Variants in PPP4R3B observed in about 807,000 individuals in gnomAD.
PPP4R3B encodes protein phosphatase 4 regulatory subunit 3B, also known as serine/threonine-protein phosphatase 4 regulatory subunit 3B.
In PPP4R3B, 52 loss-of-function variants were observed where a neutral mutation model predicts 95.4. The ratio of observed to expected loss-of-function variants is 0.54; its 90% CI spans 0.44 to 0.69. The LOEUF is 0.69. Ranked by LOEUF, PPP4R3B falls within the 30% of genes least tolerant of loss-of-function variation. The pLI, the probability that PPP4R3B is intolerant of heterozygous loss-of-function variation, is 0.00. For synonymous variants in PPP4R3B, 407 were observed against 343.9 expected (o/e 1.18, Z -2.03); for missense variants, 1,003 against 1,005.9 (o/e 1.00, Z 0.04).
chr2:55,600,271 A>G lies in PPP4R3B; in HGVS notation c.298-1232T>C, dbSNP rs955675019. 2.6e-5 allele frequency among the ~76,000 whole-genome samples: 4 copies of G among 152,122 alleles called. 1 individual carries two copies. The highest frequency in any genetic ancestry group is 9.7e-5 in the African/African-American group (4 of 41,422). On this transcript the variant is annotated intron_variant, in intron 3 of 16. Coordinates refer to ENST00000616407, the MANE Select transcript of PPP4R3B (RefSeq NM_001122964.3). ...GAGAAACCCTGTCTCTACTAAAAGC[A>G]CAAAATTAGCTGGGCGTGGTGGCGC...
At chr2:55,583,825 T>C (rs1037095691) in intron 7 of PPP4R3B, among the ~76,000 whole-genome samples, 1 of 152,174 alleles carries the variant, frequency 6.6e-6, no homozygotes, top group Non-Finnish European at 1.5e-5. Flanking sequence ...CATTAAAAGA[T>C]TAAATGCAAA....
chr2:55,617,591 C>T lies in PPP4R3B; in HGVS notation c.-306G>A, dbSNP rs981895397. 3.6e-6 allele frequency: 1 copy of T among 278,006 alleles called. No individual in the cohort carries two copies. Among genetic ancestry groups the T allele is most frequent in the Non-Finnish European group, 6.8e-6 (1 of 146,674 alleles). 17.2% of individuals were successfully genotyped at this position (278,006 alleles called of 1,614,324 possible). A position where few individuals can be genotyped will look rare whatever the true frequency, so the allele number is the denominator to read the frequency against. On this transcript the variant is annotated 5_prime_UTR_variant, in exon 1 of 17. Transcript: ENST00000616407. ...GCGGTAACTACTACAGATCCGCCAT[C>T]TTGTAACCCGACTCTCTCTGCCTTT...
intron 1 of PPP4R3B, 37 bp downstream of exon 1, chr2:55,617,107 G>C: frequency 6.4e-7 from 1 of 1,562,386 alleles, no homozygotes; most frequent in Non-Finnish European, 8.7e-7. Context: ...CCCAACCAGA[G>C]GCACTATCCC....
At chr2:55,575,834 G>C (rs75365186) in intron 11 of PPP4R3B, among the ~76,000 whole-genome samples, 20,996 of 152,140 alleles carry the variant, frequency 0.14, 2,966 homozygotes, top group African/African-American at 0.36. Context: ...TTTTATTTGA[G>C]ATTATATACA....
intron 2 of PPP4R3B, among the ~76,000 whole-genome samples, chr2:55,613,077 C>T (rs889343215): frequency 6.6e-6 from 1 of 152,070 alleles, no homozygotes; most frequent in Non-Finnish European, 1.5e-5. Flanking sequence ...AACCACTGTA[C>T]TCCAGCCTAA....
chr2:55,606,966 T>A (rs1359808891), intron 2 of PPP4R3B, among the ~76,000 whole-genome samples: 1 of 152,158 alleles, frequency 6.6e-6, no homozygotes, highest in Non-Finnish European at 1.5e-5. Flanking sequence ...TAAATGTAAA[T>A]TTAACCATTA....
At chr2:55,560,819 T>G (rs1686509289) in intron 15 of PPP4R3B, among the ~76,000 whole-genome samples, 2 of 141,788 alleles carry the variant, frequency 1.4e-5, no homozygotes, top group Admixed American at 7.1e-5. Context: ...AAAGAGGCCT[T>G]CTGGCGGTTT....
chr2:55,552,861 G>A (rs1219248889), intron 16 of PPP4R3B, among the ~76,000 whole-genome samples: 3 of 152,198 alleles, frequency 2.0e-5, no homozygotes, highest in Non-Finnish European at 2.9e-5. Flanking sequence ...TCATACAACA[G>A]GAAGAAGCCA....
rs1187377651 is a variant in PPP4R3B at position 55,564,432 on chromosome 2, T to C, written c.2141A>G (p.Glu714Gly). 3.7e-6 allele frequency: 6 copies of C among 1,613,614 alleles called. No homozygotes were observed. In the African/African-American group the frequency reaches 6.7e-5, roughly 18 times the overall value. The stretch of plus-strand genomic sequence containing the variant: ...TTCTTCATCTTCATTAAACCACATT[T>C]CTTCATCCTCTTCCAAGGCTTTTGC... Reference protein sequence around the residue: ...RDAKALEEDEEMWFNEDEEEE... With the variant: ...RDAKALEEDEGMWFNEDEEEE... The change falls in exon 15 of 17, where the codon GAA becomes GGA. Residue 714 changes from glutamate (E) to glycine (G), a missense_variant. Glu to Gly is a moderately conservative substitution (Grantham distance 98). Coordinates refer to ENST00000616407, the MANE Select transcript of PPP4R3B (RefSeq NM_001122964.3).
rs758451580 is a variant in PPP4R3B at position 55,598,975 on chromosome 2, C to T, written c.362G>A (p.Arg121Gln). Residue 121 changes from arginine (R) to glutamine (Q), a missense_variant, in exon 4 of 17, where the codon CGA becomes CAA. Physicochemically the swap from Arg to Gln is conservative, Grantham distance 43 (BLOSUM62 1). Around this residue, in one of 3 missense-constraint regions of PPP4R3B, gnomAD observed 695 missense variants for 686.2 expected, o/e 1.01. Transcript: ENST00000616407. ...QDLIDESEEE[R>Q]FEEMPETSHL... ...ACTAGTTTCAGGCATTTCTTCAAAT[C>T]GTTCTTCTTCAGATTCATCAATGAG... The T allele has an allele frequency of 2.2e-5, 35 of 1,613,954 alleles. No homozygotes were observed. Among genetic ancestry groups the T allele is most frequent in the Admixed American group, 1.8e-4 (11 of 59,992 alleles).
rs1341328841 is a variant in PPP4R3B, at chr2:55,570,565, CT to C, written c.1766-2203del. Among the ~76,000 whole-genome samples the C allele has an allele frequency of 2.6e-5, 4 of 152,108 alleles. 1 individual carries two copies. Among genetic ancestry groups the C allele is most frequent in the South Asian group, 4.1e-4 (2 of 4,824 alleles). On this transcript the variant is annotated intron_variant, in intron 12 of 16. Transcript: ENST00000616407. Reference sequence around the variant, plus strand: ...AATCCTTTATTTTTATATGTTGATCCTTTAACTTGTATCCTTTCCCCTAAGT... The same window carrying C: ...AATCCTTTATTTTTATATGTTGATCCTTAACTTGTATCCTTTCCCCTAAGT...
At chr2:55,578,154 T>C (rs1376191788) in intron 10 of PPP4R3B, 93 bp downstream of exon 10, 3 of 1,192,712 alleles carry the variant, frequency 2.5e-6, no homozygotes, top group Middle Eastern at 2.2e-4. Context: ...ATTAAATTTA[T>C]AGCAACTTTG....
chr2:55,580,307 G>C (rs1364311409), intron 8 of PPP4R3B, among the ~76,000 whole-genome samples: 2 of 152,060 alleles, frequency 1.3e-5, no homozygotes, highest in South Asian at 4.1e-4. Context: ...CAACATGTAA[G>C]TCAGAACAGC....
At position 55,581,590 on chromosome 2, in the gene PPP4R3B, C is replaced by A; in HGVS notation, c.1342G>T (p.Glu448Ter). The A allele has an allele frequency of 6.2e-7, 1 of 1,613,042 alleles. No individual in the cohort carries two copies. Among genetic ancestry groups the A allele is most frequent in the Non-Finnish European group, 8.5e-7 (1 of 1,179,428 alleles). ...MGLLRTLIDP[E>*]NMLATTNKTE... ...ACATTAGTTGTAGCCAGCATGTTCT[C>A]TGGATCAATTAGAGTACGAAGAAGT... The change falls in exon 8 of 17, where the codon GAG becomes TAG. Residue 448 changes from glutamate to a stop codon, truncating the protein, a stop_gained. Coordinates refer to ENST00000616407, the MANE Select transcript of PPP4R3B (RefSeq NM_001122964.3). LOFTEE classifies it high-confidence loss of function.
chr2:55,607,366 G>A (rs1470617964), intron 2 of PPP4R3B, among the ~76,000 whole-genome samples: 4 of 152,192 alleles, frequency 2.6e-5, no homozygotes, highest in African/African-American at 4.8e-5. Flanking sequence ...TTGCAAGCCT[G>A]CGTTGTTTTA....
At chr2:55,561,790 T>C (rs912163974) in intron 15 of PPP4R3B, among the ~76,000 whole-genome samples, 8 of 152,246 alleles carry the variant, frequency 5.3e-5, no homozygotes, top group Non-Finnish European at 7.3e-5. Flanking sequence ...CCCCGTTGTA[T>C]CTTGGAGGTA....
At chr2:55,583,575 A>C (rs560145637) in intron 7 of PPP4R3B, among the ~76,000 whole-genome samples, 1 of 152,344 alleles carries the variant, frequency 6.6e-6, no homozygotes, top group Non-Finnish European at 1.5e-5. Flanking sequence ...GCCTTTAATC[A>C]CACACATCAC....
At chr2:55,570,260 C>T (rs776476523) in intron 12 of PPP4R3B, among the ~76,000 whole-genome samples, 1 of 152,134 alleles carries the variant, frequency 6.6e-6, no homozygotes, top group Non-Finnish European at 1.5e-5. Flanking sequence ...AAAAAACAAA[C>T]AATTTGTGAA....
chr2:55,559,441 G>T (rs1051404671), intron 15 of PPP4R3B, among the ~76,000 whole-genome samples: 2 of 152,200 alleles, frequency 1.3e-5, no homozygotes, highest in African/African-American at 2.4e-5. Context: ...GTACAGTGAT[G>T]ATATGGTCTG....
Sources: allele counts gnomAD v4.1 joint callset (sites outside exome capture counted in the v4.1 genomes callset), GRCh38; gene constraint gnomAD v4.1.1; regional missense constraint gnomAD v4.1.1; transcripts MANE v1.5; gene names NCBI Gene and HGNC (gene_info 2026-07-23, HGNC 2026-07-21).